Variants in RBM25 observed in about 807,000 individuals in gnomAD.
RBM25 encodes the protein RNA binding motif protein 25, also known as RNA-binding protein 25.
In RBM25, 19 loss-of-function variants were observed where a neutral mutation model predicts 120.7. That is an observed-to-expected ratio of 0.16 (90% confidence interval 0.11 to 0.23). The LOEUF (loss-of-function observed/expected upper bound fraction) is 0.23. Among genes scored for constraint, RBM25 ranks in the 10% least tolerant of loss-of-function variants. RBM25 has a pLI of 1.00. For synonymous variants in RBM25, 390 were observed against 326.7 expected, an observed-to-expected ratio of 1.19 and a Z score of -2.09; for missense variants, 605 against 1,041.5, an observed-to-expected ratio of 0.58 and a Z score of 5.77.
chr14:73,109,437 T>G lies in RBM25; in HGVS notation c.1637T>G (p.Ile546Ser). 6.2e-7 allele frequency: 1 copy of G among 1,614,032 alleles called. No individual in the cohort carries two copies. The highest frequency in any genetic ancestry group is 1.1e-5 in the South Asian group (1 of 91,076). Reference sequence around the variant, plus strand: ...AGAGAGAAGGAGGAGCTTGAGGAAATCAGGCAGCGCCTTCTGGCAGAAGGG... The same window carrying G: ...AGAGAGAAGGAGGAGCTTGAGGAAAGCAGGCAGCGCCTTCTGGCAGAAGGG... Reference protein sequence around the residue: ...RKREKEELEEIRQRLLAEGHP... With the variant: ...RKREKEELEESRQRLLAEGHP... Residue 546 changes from isoleucine to serine, a missense_variant, in exon 14 of 19, where the codon ATC becomes AGC. Physicochemically the swap from Ile to Ser is moderately radical, Grantham distance 142 (BLOSUM62 -2). Transcript: ENST00000261973.
intron 6 of RBM25, among the ~76,000 whole-genome samples, chr14:73,090,372 T>C (rs1895786791): frequency 6.6e-6 from 1 of 152,120 alleles, no homozygotes; most frequent in Non-Finnish European, 1.5e-5. Flanking sequence ...ATTTTTAGGA[T>C]GACATTCAAG....
intron 6 of RBM25, among the ~76,000 whole-genome samples, chr14:73,093,032 C>A (rs902698502): frequency 1.3e-5 from 2 of 152,104 alleles, no homozygotes; most frequent in African/African-American, 4.8e-5. Context: ...GGTGGCCATG[C>A]TAATTTAGTT....
At chr14:73,059,648 T>C (rs1041168751) in intron 1 of RBM25, among the ~76,000 whole-genome samples, 2 of 152,232 alleles carry the variant, frequency 1.3e-5, no homozygotes, top group Non-Finnish European at 2.9e-5. Context: ...CAGTAATGTA[T>C]AAATAATTTT....
chr14:73,062,490 AATTT>A (rs1340145614), intron 1 of RBM25, among the ~76,000 whole-genome samples: 1 of 151,424 alleles, frequency 6.6e-6, no homozygotes, highest in Non-Finnish European at 1.5e-5. Context: ...TGGGAGAAAT[AATTT>A]TGTTTCTATC....
chr14:73,088,533 A>T, intron 6 of RBM25: 3 of 385,268 alleles, frequency 7.8e-6, no homozygotes, highest in South Asian at 3.9e-5. Flanking sequence ...CTCTTTTAGA[A>T]GTACACCGAC....
intron 9 of RBM25, chr14:73,101,108 T>C (rs1896047002): frequency 1.3e-5 from 2 of 152,210 alleles, no homozygotes; most frequent in Non-Finnish European, 2.9e-5. Context: ...TGCCTTAGTA[T>C]TATTTCACTG....
rs751561580 is a variant in RBM25, at chr14:73,105,937, G to GGAGCGAGAGAGA, written c.1245_1256dup (p.Arg423_Glu426dup). 1.2e-6 allele frequency: 2 copies of GGAGCGAGAGAGA among 1,612,092 alleles called. No homozygotes were observed. Among genetic ancestry groups the GGAGCGAGAGAGA allele is most frequent in the Non-Finnish European group, 1.7e-6 (2 of 1,179,036 alleles). On this transcript the variant is annotated inframe_insertion, in exon 11 of 19. Transcript: ENST00000261973. ...GAGAACGAGAGCGAGAACGAGAACG[G>GGAGCGAGAGAGA]GAGCGAGAGAGAGAGCGAGAGAGGG...
rs1594943140 is a variant in RBM25, at chr14:73,122,589, C to G, written c.*2784C>G. ...CCTTGCCTGGCCAAAGCGTGAACAT[C>G]TTAAGAACCAGTCTTGATCTGGCAA... On this transcript the variant is annotated 3_prime_UTR_variant, in exon 19 of 19. Transcript: ENST00000261973. 1 of 152,136 alleles carries G rather than the reference C, an allele frequency of 6.6e-6. No homozygotes were observed. The highest frequency in any genetic ancestry group is 2.4e-5 in the African/African-American group (1 of 41,414). 9.4% of individuals were successfully genotyped at this position (152,136 alleles called of 1,614,324 possible).
chr14:73,108,603 C>T (rs1896239840), intron 13 of RBM25, among the ~76,000 whole-genome samples: 2 of 152,182 alleles, frequency 1.3e-5, no homozygotes, highest in Admixed American at 6.6e-5. Context: ...TCCATCCAAA[C>T]TGTAAGTTCC....
At chr14:73,095,400 C>T (rs1009408148) in intron 6 of RBM25, among the ~76,000 whole-genome samples, 7 of 151,546 alleles carry the variant, frequency 4.6e-5, no homozygotes, top group African/African-American at 4.8e-5. Context: ...GTCAGGAGAT[C>T]GAGACCATCC....
intron 10 of RBM25, among the ~76,000 whole-genome samples, chr14:73,104,687 G>T (rs894654834): frequency 1.3e-5 from 2 of 152,048 alleles, no homozygotes; most frequent in African/African-American, 4.8e-5. Flanking sequence ...TTATTTTGAT[G>T]AGTCATCTCA....
rs1027799051 is a variant in RBM25 at position 73,082,973 on chromosome 14, A to T, written c.325-521A>T. Among the ~76,000 whole-genome samples the T allele has an allele frequency of 1.3e-4, 20 of 151,938 alleles. 1 individual carries two copies. The highest frequency in any genetic ancestry group is 1.1e-3 in the Admixed American group (17 of 15,248). On this transcript the variant is annotated intron_variant, in intron 4 of 18. Transcript: ENST00000261973. ...TGCCTGCATGTAGTCCCAGCTACTT[A>T]GGAGGCTGAGGCAGAAGAATCGCTT...
intron 1 of RBM25, chr14:73,069,870 C>T (rs1367475856): frequency 7.4e-6 from 1 of 134,318 alleles, no homozygotes; most frequent in Non-Finnish European, 1.5e-5. Context: ...CTCTGTCTCT[C>T]AGCCTCAAGC....
chr14:73,071,996 A>G (rs1176417723), intron 2 of RBM25, among the ~76,000 whole-genome samples: 2 of 148,052 alleles, frequency 1.4e-5, no homozygotes, highest in Non-Finnish European at 3.0e-5. Context: ...TTTTTGAGCT[A>G]GAGTCTTGCT....
chr14:73,072,574 T>A (rs1895321220), intron 2 of RBM25, among the ~76,000 whole-genome samples: 2 of 152,200 alleles, frequency 1.3e-5, no homozygotes, highest in Admixed American at 1.3e-4. Flanking sequence ...TCTTAATTTT[T>A]AACAAGTTCA....
intron 17 of RBM25, 105 bp from the exon 18 acceptor site, chr14:73,114,181 G>T: frequency 1.0e-5 from 8 of 791,516 alleles, no homozygotes; most frequent in East Asian, 2.9e-5. Context: ...TTCCTTAGCC[G>T]CAAGAAGTTC....
chr14:73,081,766 C>G (rs1316723060), intron 4 of RBM25, among the ~76,000 whole-genome samples: 1 of 152,164 alleles, frequency 6.6e-6, no homozygotes, highest in Non-Finnish European at 1.5e-5. Flanking sequence ...ATTGAAGGTG[C>G]TGCCTTATCG....
At chr14:73,090,141 C>A (rs1226263661) in intron 6 of RBM25, among the ~76,000 whole-genome samples, 1 of 152,062 alleles carries the variant, frequency 6.6e-6, no homozygotes, top group African/African-American at 2.4e-5. Context: ...ACCTCCACCT[C>A]CCAGGTTCAA....
chr14:73,106,696 T>TA (rs997622964), intron 12 of RBM25, among the ~76,000 whole-genome samples: 1 of 152,184 alleles, frequency 6.6e-6, no homozygotes, highest in African/African-American at 2.4e-5. Flanking sequence ...TGGGGGGCAT[T>TA]ACCTTTAAAT....
Sources: gnomAD v4.1 joint callset for allele counts (sites outside exome capture counted in the v4.1 genomes callset) on GRCh38, gnomAD v4.1.1 for gene constraint, MANE v1.5 for transcripts, NCBI Gene and HGNC (gene_info 2026-07-23, HGNC 2026-07-21) for gene names.